Variants in TBC1D19 observed in about 807,000 individuals in gnomAD.
TBC1D19 encodes TBC1 domain family, member 19.
Under a neutral mutation model 89.0 loss-of-function variants are expected in TBC1D19, and 60 were observed. The observed-to-expected ratio is 0.67, with a 90% CI of 0.55 to 0.84. The LOEUF (loss-of-function observed/expected upper bound fraction) is 0.84. TBC1D19 is among the 40% of genes least tolerant of loss of function. The pLI is 0.00. For missense variants in TBC1D19, 500 were observed against 610.8 expected, an observed-to-expected ratio of 0.82 and a Z score of 1.91; for synonymous variants, 189 against 199.7, an observed-to-expected ratio of 0.95 and a Z score of 0.45.
At chr4:26,813,760 C>T in the TBC1D19 span, among the ~76,000 whole-genome samples, 13 of 152,338 alleles carry the variant, frequency 8.5e-5, no homozygotes, top group African/African-American at 2.6e-4. Context: ...TTCCCCGCGC[C>T]TCTCCTGGAT....
the TBC1D19 span, among the ~76,000 whole-genome samples, chr4:26,852,778 C>A: frequency 6.6e-6 from 1 of 151,430 alleles, no homozygotes; most frequent in East Asian, 1.9e-4. Context: ...TGCCACCATG[C>A]CCAGCTAATT....
At chr4:26,832,704 C>T in the TBC1D19 span, among the ~76,000 whole-genome samples, 1 of 152,100 alleles carries the variant, frequency 6.6e-6, no homozygotes, top group Non-Finnish European at 1.5e-5. Context: ...ATCAAAACCA[C>T]TCTTCTGGAT....
At chr4:26,855,713 T>A in the TBC1D19 span, among the ~76,000 whole-genome samples, 2 of 152,256 alleles carry the variant, frequency 1.3e-5, no homozygotes, top group Admixed American at 6.5e-5. Flanking sequence ...TTCTGTGGCA[T>A]CTTTTTCTAA....
chr4:26,848,195 C>G, the TBC1D19 span, among the ~76,000 whole-genome samples: 1 of 152,168 alleles, frequency 6.6e-6, no homozygotes, highest in Non-Finnish European at 1.5e-5. Flanking sequence ...CCCAATCTGT[C>G]CAGGGTCTGA....
At chr4:26,647,268 A>C (rs1453892498) in intron 7 of TBC1D19, among the ~76,000 whole-genome samples, 2 of 152,244 alleles carry the variant, frequency 1.3e-5, no homozygotes, top group Non-Finnish European at 2.9e-5. Context: ...CAGGGCTGTT[A>C]GTGAAGGTGA....
At chr4:26,775,858 GT>G in the TBC1D19 span, among the ~76,000 whole-genome samples, 42 of 151,456 alleles carry the variant, frequency 2.8e-4, no homozygotes, top group African/African-American at 8.2e-4. Flanking sequence ...AAGGTGGTCA[GT>G]TTTTTTTTAA....
the TBC1D19 span, among the ~76,000 whole-genome samples, chr4:26,846,262 C>T: frequency 6.6e-5 from 10 of 152,038 alleles, no homozygotes; most frequent in African/African-American, 2.4e-4. Flanking sequence ...TTCAGTTTTA[C>T]TGATAGAATA....
the TBC1D19 span, among the ~76,000 whole-genome samples, chr4:26,816,293 A>T: frequency 2.0e-5 from 3 of 152,122 alleles, no homozygotes; most frequent in African/African-American, 7.2e-5. Context: ...ATTATCTGTG[A>T]TTTGCCTGTC....
intron 4 of TBC1D19, among the ~76,000 whole-genome samples, chr4:26,630,359 A>G (rs1481446192): frequency 6.6e-6 from 1 of 152,030 alleles, no homozygotes; most frequent in Non-Finnish European, 1.5e-5. Flanking sequence ...AATGTTAAAA[A>G]CCATTCACTT....
chr4:26,791,868 G>A, the TBC1D19 span, among the ~76,000 whole-genome samples: 2 of 152,230 alleles, frequency 1.3e-5, no homozygotes, highest in African/African-American at 4.8e-5. Context: ...CAGGTATGCA[G>A]TTGGATCAGG....
chr4:26,803,240 T>C, the TBC1D19 span, among the ~76,000 whole-genome samples: 2 of 152,176 alleles, frequency 1.3e-5, no homozygotes, highest in Non-Finnish European at 2.9e-5. Flanking sequence ...CCAATACTTT[T>C]ATGAAGAGAT....
intron 7 of TBC1D19, among the ~76,000 whole-genome samples, chr4:26,641,763 C>T (rs1303576308): frequency 2.6e-5 from 4 of 152,018 alleles, no homozygotes; most frequent in South Asian, 2.1e-4. Flanking sequence ...AACCATGGCA[C>T]GAGAACTATG....
chr4:26,811,893 C>G, the TBC1D19 span, among the ~76,000 whole-genome samples: 2 of 152,190 alleles, frequency 1.3e-5, no homozygotes, highest in Admixed American at 1.3e-4. Context: ...TTACTGCAAC[C>G]TGTGTTATCA....
At chr4:26,749,612 A>C (rs888785803) in intron 19 of TBC1D19, among the ~76,000 whole-genome samples, 2 of 151,956 alleles carry the variant, frequency 1.3e-5, no homozygotes, top group African/African-American at 2.4e-5. Flanking sequence ...ACACTCAGGT[A>C]ATTTTTGTAT....
At chr4:26,662,781 A>G (rs1037952340) in intron 8 of TBC1D19, 4 of 152,236 alleles carry the variant, frequency 2.6e-5, no homozygotes, top group Admixed American at 6.5e-5. Flanking sequence ...CTGGAATTCT[A>G]TATGTAACCA....
chr4:26,720,012 A>G, intron 14 of TBC1D19, 69 bp from the exon 15 acceptor site: 1 of 1,363,446 alleles, frequency 7.3e-7, no homozygotes, highest in Non-Finnish European at 1.0e-6. Context: ...GTACATTCAC[A>G]AAATAAGTTG....
At chr4:26,729,778 G>A (rs1717537559) in intron 15 of TBC1D19, among the ~76,000 whole-genome samples, 1 of 152,112 alleles carries the variant, frequency 6.6e-6, no homozygotes, top group Admixed American at 6.5e-5. Context: ...ATTTTACTGT[G>A]TATACACTTA....
At chr4:26,643,941 C>T (rs1743728877) in intron 7 of TBC1D19, among the ~76,000 whole-genome samples, 2 of 151,990 alleles carry the variant, frequency 1.3e-5, no homozygotes, top group Non-Finnish European at 1.5e-5. Flanking sequence ...AATAGCCTCC[C>T]AACCAAAAGA....
intron 1 of TBC1D19, among the ~76,000 whole-genome samples, chr4:26,585,427 A>G (rs1454267213): frequency 1.3e-5 from 2 of 151,364 alleles, no homozygotes; most frequent in East Asian, 1.9e-4. Flanking sequence ...GCATTTTCTT[A>G]TGTGCTTATA....
Sources: gnomAD v4.1 joint callset for allele counts (sites outside exome capture counted in the v4.1 genomes callset) on GRCh38, gnomAD v4.1.1 for gene constraint, MANE v1.5 for transcripts, NCBI Gene and HGNC (gene_info 2026-07-23, HGNC 2026-07-21) for gene names.